The following PRKCE variants were observed in gnomAD, a reference collection of about 807,000 sequenced individuals.
PRKCE encodes the protein protein kinase C epsilon, also known as protein kinase C epsilon type.
PRKCE carries 16 observed loss-of-function variants against 85.4 expected under a neutral mutation model. The observed-to-expected ratio is 0.19, with a 90% CI of 0.13 to 0.28. The LOEUF (loss-of-function observed/expected upper bound fraction) is 0.28, where lower values mean the gene tolerates loss of function less well. PRKCE is among the 10% of genes least tolerant of loss of function. The pLI, the probability that PRKCE is intolerant of heterozygous loss-of-function variation, is 1.00. For missense variants in PRKCE, 573 were observed against 975.2 expected (o/e 0.59, Z 5.49); for synonymous variants, 388 against 371.5 (o/e 1.04, Z -0.51).
chr2:45,810,917 G>A (rs558123392), intron 1 of PRKCE, among the ~76,000 whole-genome samples: 9 of 152,260 alleles, frequency 5.9e-5, no homozygotes, highest in African/African-American at 1.4e-4. Flanking sequence ...CTCTAGACTC[G>A]ATACCCAATC....
At chr2:45,993,848 A>G (rs10084254) in intron 6 of PRKCE, among the ~76,000 whole-genome samples, 6,266 of 152,176 alleles carry the variant, frequency 0.041, 315 homozygotes, top group African/African-American at 0.11. Flanking sequence ...GTTATTAGTG[A>G]TAACTCCATT....
At chr2:45,847,412 A>G (rs1219659640) in intron 2 of PRKCE, among the ~76,000 whole-genome samples, 1 of 152,224 alleles carries the variant, frequency 6.6e-6, no homozygotes, top group African/African-American at 2.4e-5. Flanking sequence ...TTAACCTTTC[A>G]GAAGGGATAT....
chr2:46,120,970 A>G (rs1417845501), intron 11 of PRKCE, among the ~76,000 whole-genome samples: 2 of 152,202 alleles, frequency 1.3e-5, no homozygotes, highest in African/African-American at 4.8e-5. Context: ...GTGGCACTTG[A>G]CCTACATGAT....
At chr2:45,789,813 A>C (rs1558673936) in intron 1 of PRKCE, among the ~76,000 whole-genome samples, 1 of 152,238 alleles carries the variant, frequency 6.6e-6, no homozygotes, top group African/African-American at 2.4e-5. Flanking sequence ...TATATTTTAA[A>C]TCTACATTTT....
intron 2 of PRKCE, among the ~76,000 whole-genome samples, chr2:45,944,620 C>G (rs1461715917): frequency 6.7e-6 from 1 of 149,170 alleles, no homozygotes; most frequent in East Asian, 2.0e-4. Context: ...TCCCAAGTAG[C>G]CGGGACTACA....
intron 10 of PRKCE, among the ~76,000 whole-genome samples, chr2:46,029,514 A>T (rs1245587345): frequency 6.6e-6 from 1 of 152,130 alleles, no homozygotes; most frequent in Non-Finnish European, 1.5e-5. Flanking sequence ...CACTGCCCCC[A>T]CTAACGCCAC....
chr2:46,041,237 G>C lies in PRKCE; in HGVS notation c.1437+30720G>C, dbSNP rs1185801615. On this transcript the variant is annotated intron_variant, in intron 10 of 14. Coordinates refer to ENST00000306156, the MANE Select transcript of PRKCE (RefSeq NM_005400.3). The surrounding 1 kb of genome is among the most constrained non-coding windows in gnomAD (Gnocchi z 5.5). The stretch of plus-strand genomic sequence containing the variant: ...ATTACCCTTGATCTTAAGAGTACTG[G>C]GTATACCCAAGTCCAAAATCAGAAT... 2.6e-5 allele frequency among the ~76,000 whole-genome samples: 4 copies of C among 151,946 alleles called. No homozygotes were observed. In the East Asian group the frequency reaches 7.7e-4, roughly 29 times the overall value.
chr2:45,652,184 G>T lies in PRKCE; in HGVS notation c.84G>T (p.Ala28=), dbSNP rs775878818. 6.2e-7 allele frequency: 1 copy of T among 1,613,268 alleles called. No homozygotes were observed. Among genetic ancestry groups the T allele is most frequent in the Non-Finnish European group, 8.5e-7 (1 of 1,179,778 alleles). ...LKPTAWSLRH[A]VGPRPQTFLL... is the part of the protein sequence containing the mutation. ...CCACAGCCTGGTCGCTGCGCCATGCGGTGGGACCCCGGCCGCAGACTTTCC... is the reference window on the plus strand; with the variant it reads ...CCACAGCCTGGTCGCTGCGCCATGCTGTGGGACCCCGGCCGCAGACTTTCC... Residue 28 remains alanine (A), a synonymous_variant, in exon 1 of 15, where the codon GCG becomes GCT. Coordinates refer to ENST00000306156, the MANE Select transcript of PRKCE (RefSeq NM_005400.3). The surrounding 1 kb of genome is among the most constrained non-coding windows in gnomAD (Gnocchi z 7.7).
At chr2:46,005,203 A>G (rs1441554168) in intron 8 of PRKCE, among the ~76,000 whole-genome samples, 2 of 152,328 alleles carry the variant, frequency 1.3e-5, no homozygotes, top group African/African-American at 4.8e-5. Flanking sequence ...TTTCCCCTCT[A>G]CAGCTCCAGA....
Position 46,041,487 on chromosome 2 carries a change from A to G in PRKCE, c.1437+30970A>G, listed in dbSNP as rs1708211099. On this transcript the variant is annotated intron_variant, in intron 10 of 14. Transcript: ENST00000306156. This position sits in a 1 kb window ranked among gnomAD's most constrained non-coding sequence, Gnocchi z 5.5. ...GTTCACATCCAGACTGGCTTCTAGA[A>G]GAAAGGAAATTTATAGTGTGGAAAG... 6.6e-6 allele frequency among the ~76,000 whole-genome samples: 1 copy of G among 152,236 alleles called. No individual in the cohort carries two copies.
chr2:45,946,734 C>G (rs1434840933), intron 2 of PRKCE, among the ~76,000 whole-genome samples: 1 of 152,208 alleles, frequency 6.6e-6, no homozygotes, highest in Non-Finnish European at 1.5e-5. Flanking sequence ...AATAGCTCCC[C>G]TGCCTGCCCC....
intron 11 of PRKCE, among the ~76,000 whole-genome samples, chr2:46,107,043 A>G (rs116776545): frequency 0.018 from 2,794 of 152,350 alleles, 39 homozygotes; most frequent in South Asian, 0.036. Context: ...TCTTTGTGCT[A>G]TAAAGTTTTA....
intron 11 of PRKCE, among the ~76,000 whole-genome samples, chr2:46,094,739 G>A (rs1396754017): frequency 6.6e-6 from 1 of 151,578 alleles, no homozygotes; most frequent in Non-Finnish European, 1.5e-5. Context: ...ACCATGGCAT[G>A]CATTTACCTG....
chr2:45,966,849 C>T (rs542833072), intron 2 of PRKCE, among the ~76,000 whole-genome samples: 8 of 152,068 alleles, frequency 5.3e-5, no homozygotes, highest in East Asian at 3.9e-4. Context: ...AAGGGAGCAT[C>T]GGAGCAGGTT....
chr2:46,095,531 C>A lies in PRKCE; in HGVS notation c.1592+9169C>A, dbSNP rs140923464. 7.1e-3 allele frequency among the ~76,000 whole-genome samples: 1,087 copies of A among 152,322 alleles called. 14 individuals carry two copies. Among genetic ancestry groups the A allele is most frequent in the African/African-American group, 0.025 (1,022 of 41,556 alleles). On this transcript the variant is annotated intron_variant, in intron 11 of 14. Transcript: ENST00000306156. ...TAGTTTTCAACCAAATCTCTCTTTT[C>A]TCTCGCTCCACATCACCCTCATCTC...
intron 1 of PRKCE, among the ~76,000 whole-genome samples, chr2:45,671,976 T>A (rs1676186479): frequency 6.8e-6 from 1 of 147,872 alleles, no homozygotes; most frequent in South Asian, 2.1e-4. Flanking sequence ...GGCAGGAGGA[T>A]CACTTGAGCC....
At chr2:45,914,192 A>G (rs374760966) in intron 2 of PRKCE, among the ~76,000 whole-genome samples, 75 of 152,382 alleles carry the variant, frequency 4.9e-4, no homozygotes, top group African/African-American at 1.8e-3. Flanking sequence ...TAAGGAGTTT[A>G]TAATTAGGAA....
chr2:45,856,713 A>G (rs141697543), intron 2 of PRKCE, among the ~76,000 whole-genome samples: 11 of 151,984 alleles, frequency 7.2e-5, no homozygotes, highest in Non-Finnish European at 1.2e-4. Context: ...CCTGACTTCT[A>G]TTTTCCCCAG....
At position 46,185,089 on chromosome 2, in the gene PRKCE, A is replaced by G; in HGVS notation, c.*208A>G. 1.6e-6 allele frequency: 1 copy of G among 624,590 alleles called. No homozygotes were observed. Among genetic ancestry groups the G allele is most frequent in the Non-Finnish European group, 2.7e-6 (1 of 364,704 alleles). The allele number at this position is 624,590 out of a possible 1,614,324, so 38.7% of individuals were successfully genotyped here. On this transcript the variant is annotated 3_prime_UTR_variant, in exon 15 of 15. Transcript: ENST00000306156. The surrounding 1 kb of genome is among the most constrained non-coding windows in gnomAD (Gnocchi z 4.7). ...AGAAGGCGCTCTCGGTTCTTGTCTC[A>G]CCAGTAATGCAGACTCATTGGGTCA...
Sources: gnomAD v4.1 joint callset for allele counts (sites outside exome capture counted in the v4.1 genomes callset) on GRCh38, gnomAD v4.1.1 for gene constraint, Gnocchi (gnomAD v3.1) non-coding constraint, MANE v1.5 for transcripts, NCBI Gene and HGNC (gene_info 2026-07-23, HGNC 2026-07-21) for gene names.